The following SIPA1L2 variants were observed in gnomAD, a reference collection of about 807,000 sequenced individuals.
SIPA1L2 encodes the protein signal induced proliferation associated 1 like 2.
In SIPA1L2, 56 loss-of-function variants were observed where a neutral mutation model predicts 163.9. That is an observed-to-expected ratio of 0.34 (90% CI 0.28 to 0.43). The LOEUF (loss-of-function observed/expected upper bound fraction) is 0.43. SIPA1L2 is among the 20% of genes least tolerant of loss of function. SIPA1L2 has a pLI of 1.00. For synonymous variants in SIPA1L2, 877 were observed against 865.7 expected (o/e 1.01, Z -0.23); for missense variants, 1,974 against 2,193.5 (o/e 0.90, Z 2.00).
intron 2 of SIPA1L2, among the ~76,000 whole-genome samples, chr1:232,526,990 AAGT>A (rs945726100): frequency 6.6e-6 from 1 of 152,180 alleles, no homozygotes; most frequent in Non-Finnish European, 1.5e-5. Flanking sequence ...AATAAAGACA[AAGT>A]ACCAGAGTGT....
chr1:232,566,170 TTTG>T (rs1659392135), intron 2 of SIPA1L2, among the ~76,000 whole-genome samples: 1 of 110,992 alleles, frequency 9.0e-6, no homozygotes, highest in Admixed American at 8.3e-5. Context: ...GATTTTTCTG[TTTG>T]TTTTGTTTTC....
intron 2 of SIPA1L2, among the ~76,000 whole-genome samples, chr1:232,524,303 A>G (rs1667590610): frequency 6.6e-6 from 1 of 152,148 alleles, no homozygotes; most frequent in Non-Finnish European, 1.5e-5. Flanking sequence ...AAACAATAGT[A>G]TACCACTTCT....
chr1:232,585,927 G>C (rs1160730632), intron 1 of SIPA1L2, among the ~76,000 whole-genome samples: 3 of 152,078 alleles, frequency 2.0e-5, no homozygotes, highest in Non-Finnish European at 4.4e-5. Context: ...ACCATGATGA[G>C]CAAGACTGGA....
chr1:232,490,168 C>A (rs946364598), intron 5 of SIPA1L2, among the ~76,000 whole-genome samples: 1 of 152,100 alleles, frequency 6.6e-6, no homozygotes, highest in Admixed American at 6.6e-5. Context: ...GTCTTACTTC[C>A]CCTACCCCAC....
At chr1:232,555,819 A>G (rs1658669667) in intron 2 of SIPA1L2, among the ~76,000 whole-genome samples, 1 of 152,216 alleles carries the variant, frequency 6.6e-6, no homozygotes, top group Non-Finnish European at 1.5e-5. Flanking sequence ...TTTCTAAACA[A>G]AACTATTCTG....
intron 4 of SIPA1L2, 68 bp from the exon 5 acceptor site, chr1:232,491,130 T>A (rs1417196003): frequency 7.1e-7 from 1 of 1,415,792 alleles, no homozygotes; most frequent in East Asian, 2.5e-5. Flanking sequence ...GCCTAACTGT[T>A]TGGCTGCCTT....
Position 232,410,952 on chromosome 1 carries a change from G to T in SIPA1L2, c.4762+4542C>A, listed in dbSNP as rs539886086. On this transcript the variant is annotated intron_variant, in intron 19 of 22. Coordinates refer to ENST00000674635, the MANE Select transcript of SIPA1L2 (RefSeq NM_020808.5). ...GGAACCAGCCAAGTAGCCTGCCAAG[G>T]TTTGCAGAAAATTAAGTGATCAAGT... is the stretch of plus-strand genomic sequence containing the variant. 2.0e-5 allele frequency among the ~76,000 whole-genome samples: 3 copies of T among 152,274 alleles called. No individual in the cohort carries two copies. The East Asian group carries it at 5.8e-4, about 29-fold the overall frequency.
chr1:232,510,227 T>G (rs904727606), intron 3 of SIPA1L2, among the ~76,000 whole-genome samples: 19 of 80,108 alleles, frequency 2.4e-4, no homozygotes, highest in African/African-American at 6.7e-4. Context: ...GTTTTCAATA[T>G]GAAAATATAT....
rs1660342757 is a variant in SIPA1L2 at position 232,401,565 on chromosome 1, T to C, written c.5022+827A>G. ...GACCCTGTGTATGTGAATGAACATG[T>C]GCATATATGAACACACACATGTGCA... is the stretch of plus-strand genomic sequence containing the variant. On this transcript the variant is annotated intron_variant, in intron 22 of 22. Transcript: ENST00000674635. 2.6e-5 allele frequency among the ~76,000 whole-genome samples: 4 copies of C among 152,296 alleles called. No individual in the cohort carries two copies. In the South Asian group the frequency reaches 8.3e-4, roughly 32 times the overall value.
chr1:232,515,544 T>A lies in SIPA1L2; in HGVS notation c.-205A>T, dbSNP rs565731228. The stretch of plus-strand genomic sequence containing the variant: ...CTTCTCTGTTGTCGTAATAATGTTG[T>A]ACGCCTCTGTTCTTTTCAAAAGCAT... On this transcript the variant is annotated 5_prime_UTR_variant, in exon 3 of 23. Coordinates refer to ENST00000674635, the MANE Select transcript of SIPA1L2 (RefSeq NM_020808.5). 31 of 549,630 alleles carry A rather than the reference T, an allele frequency of 5.6e-5. No individual in the cohort carries two copies. In the South Asian group the frequency reaches 8.2e-4, roughly 15 times the overall value. The allele number at this position is 549,630 out of a possible 1,614,324, so 34.0% of individuals were successfully genotyped here.
At chr1:232,458,611 T>C (rs1281940421) in intron 10 of SIPA1L2, among the ~76,000 whole-genome samples, 1 of 152,168 alleles carries the variant, frequency 6.6e-6, no homozygotes, top group African/African-American at 2.4e-5. Context: ...TCCAATTCTA[T>C]AGTAATCGGC....
chr1:232,478,608 G>A (rs1558209254), intron 7 of SIPA1L2, among the ~76,000 whole-genome samples: 1 of 152,150 alleles, frequency 6.6e-6, no homozygotes, highest in Non-Finnish European at 1.5e-5. Context: ...AGTCCTTGGT[G>A]CTTTAATATA....
Position 232,429,287 on chromosome 1 carries a change from G to A in SIPA1L2, c.4257-723C>T, listed in dbSNP as rs1024370105. On this transcript the variant is annotated intron_variant, in intron 16 of 22. Coordinates refer to ENST00000674635, the MANE Select transcript of SIPA1L2 (RefSeq NM_020808.5). ...AGTCAGCGGCTGCACTGTCAGTGGA[G>A]GCAAACAGTCTTTGCCACACAACCT... 2.0e-5 allele frequency among the ~76,000 whole-genome samples: 3 copies of A among 152,270 alleles called. No homozygotes were observed. In the East Asian group the frequency reaches 5.8e-4, roughly 29 times the overall value.
In SIPA1L2 at chr1:232,537,327, A is replaced by G. The variant is rs1274419187; in HGVS notation, c.-269-21719T>C. ...ACAGAATGTCCTACTTCTTGGAACAAGAAATTCTGATCAATAAAATTAAGA... is the reference window on the plus strand; with the variant it reads ...ACAGAATGTCCTACTTCTTGGAACAGGAAATTCTGATCAATAAAATTAAGA... On this transcript the variant is annotated intron_variant, in intron 2 of 22. Coordinates refer to ENST00000674635, the MANE Select transcript of SIPA1L2 (RefSeq NM_020808.5). 2.6e-5 allele frequency among the ~76,000 whole-genome samples: 4 copies of G among 152,232 alleles called. No homozygotes were observed. In the South Asian group the frequency reaches 8.3e-4, roughly 31 times the overall value.
At chr1:232,597,632 G>A (rs569481938) in intron 1 of SIPA1L2, among the ~76,000 whole-genome samples, 210 of 145,676 alleles carry the variant, frequency 1.4e-3, no homozygotes, top group African/African-American at 5.2e-3. Flanking sequence ...AGAGGTTGCA[G>A]TGAGCCGAGT....
intron 2 of SIPA1L2, among the ~76,000 whole-genome samples, chr1:232,554,940 C>T (rs528024531): frequency 4.9e-4 from 75 of 152,278 alleles, no homozygotes; most frequent in Admixed American, 1.4e-3. Flanking sequence ...CCTTTCTCTC[C>T]GTGAAGTATT....
At position 232,608,955 on chromosome 1, in the gene SIPA1L2, T is replaced by C. The variant is rs187261327; in HGVS notation, c.-319+20914A>G. On this transcript the variant is annotated intron_variant, in intron 1 of 22. Coordinates refer to ENST00000674635, the MANE Select transcript of SIPA1L2 (RefSeq NM_020808.5). The stretch of plus-strand genomic sequence containing the variant: ...CTTAAAGTCAAACACGTATCTAATA[T>C]TAACCGACATCCCCTCCTTTAGAAA... Among the ~76,000 whole-genome samples, 20 of 152,114 alleles carry C rather than the reference T, an allele frequency of 1.3e-4. 1 individual carries two copies. The highest frequency in any genetic ancestry group is 1.3e-3 in the Admixed American group (20 of 15,278).
chr1:232,407,939 G>C (rs1660734382), intron 19 of SIPA1L2, among the ~76,000 whole-genome samples: 1 of 152,162 alleles, frequency 6.6e-6, no homozygotes, highest in South Asian at 2.1e-4. Flanking sequence ...CCCATAGCCA[G>C]GTTTTCTGGT....
chr1:232,556,824 C>T (rs1415214081), intron 2 of SIPA1L2, among the ~76,000 whole-genome samples: 2 of 151,980 alleles, frequency 1.3e-5, no homozygotes, highest in African/African-American at 4.8e-5. Flanking sequence ...AGTTAAAGCA[C>T]ACTTCTTGGA....
Sources: allele counts gnomAD v4.1 joint callset (sites outside exome capture counted in the v4.1 genomes callset), GRCh38; gene constraint gnomAD v4.1.1; transcripts MANE v1.5; gene names NCBI Gene and HGNC (gene_info 2026-07-23, HGNC 2026-07-21).